Variants in HPS1 observed in about 807,000 individuals in gnomAD.
The protein encoded by HPS1 is BLOC-3 complex member HPS1.
A neutral mutation model predicts 90.6 loss-of-function variants in HPS1; 59 were observed. The ratio of observed to expected loss-of-function variants is 0.65; its 90% CI spans 0.53 to 0.81. HPS1 has a LOEUF of 0.81. HPS1 is among the 30% of genes least tolerant of loss of function. The pLI, the probability that HPS1 is intolerant of heterozygous loss-of-function variation, is 0.00. For synonymous variants in HPS1, 388 were observed against 384.4 expected, an observed-to-expected ratio of 1.01 and a Z score of -0.11; for missense variants, 849 against 896.7, an observed-to-expected ratio of 0.95 and a Z score of 0.68.
downstream of HPS1, chr10:98,414,826 G>A: frequency 1.2e-6 from 1 of 860,622 alleles, no homozygotes; most frequent in Non-Finnish European, 1.7e-6. Context: ...CGGAATCCCA[G>A]GTGCCTGCCT....
chr10:98,446,833 G>T lies in HPS1; in HGVS notation c.-132C>A, dbSNP rs1053168296. On this transcript the variant is annotated 5_prime_UTR_variant, in exon 1 of 20. Transcript: ENST00000361490. ...TCACTTCCGGGAGGGTTGAAGGGGG[G>T]CTCCGGAGGGAGGATCGCCGCCCCC... 12 of 152,350 alleles carry T rather than the reference G, an allele frequency of 7.9e-5. No homozygotes were observed. Among genetic ancestry groups the T allele is most frequent in the Admixed American group, 3.9e-4 (6 of 15,312 alleles). The allele number at this position is 152,350 out of a possible 1,614,324, so 9.4% of individuals were successfully genotyped here.
At chr10:98,440,990 C>T in intron 3 of HPS1, among the ~76,000 whole-genome samples, 1 of 152,168 alleles carries the variant, frequency 6.6e-6, no homozygotes, top group Non-Finnish European at 1.5e-5. Flanking sequence ...ACTTGAATGT[C>T]TATGATCTCT....
At chr10:98,441,956 T>TA (rs1319358000) in intron 3 of HPS1, among the ~76,000 whole-genome samples, 1 of 152,234 alleles carries the variant, frequency 6.6e-6, no homozygotes, top group Non-Finnish European at 1.5e-5. Context: ...CTACATGACC[T>TA]AGCCAGTCTA....
Position 98,443,229 on chromosome 10 carries a change from G to C in HPS1, c.12C>G (p.Val4=), listed in dbSNP as rs751812370. Residue 4 remains valine, a synonymous_variant, in exon 3 of 20, where the codon GTC becomes GTG. Transcript: ENST00000361490. ...CCTCTGCGCCCTCAGTGGCCACCAA[G>C]ACGCACTTCATCTGCCAGGGAAAGG... MKC[V]LVATEGAEVL... 3.7e-6 allele frequency: 6 copies of C among 1,613,710 alleles called. No individual in the cohort carries two copies. The South Asian group carries it at 6.6e-5, about 18-fold the overall frequency.
At position 98,436,475 on chromosome 10, in the gene HPS1, AT is replaced by A. The variant is rs532570798; in HGVS notation, c.118-704del. On this transcript the variant is annotated intron_variant, in intron 3 of 19. Coordinates refer to ENST00000361490, the MANE Select transcript of HPS1 (RefSeq NM_000195.5). ...CTTCTGGATAGAGGAATTAGGAGTG[AT>A]TTTTTTCCCTCTATTTTTAAGTATG... Among the ~76,000 whole-genome samples, 6 of 152,274 alleles carry A rather than the reference AT, an allele frequency of 3.9e-5. No homozygotes were observed. The East Asian group carries it at 5.8e-4, about 15-fold the overall frequency.
chr10:98,445,863 C>T lies in HPS1; in HGVS notation c.-105-459G>A, dbSNP rs191547757. 6.6e-6 allele frequency among the ~76,000 whole-genome samples: 1 copy of T among 152,316 alleles called. No individual in the cohort carries two copies. Among genetic ancestry groups the T allele is most frequent in the Admixed American group, 6.5e-5 (1 of 15,304 alleles). On this transcript the variant is annotated intron_variant, in intron 1 of 19. Transcript: ENST00000361490. The surrounding 1 kb of genome is among the most constrained non-coding windows in gnomAD (Gnocchi z 4.5). ...GACCAGGTTCTAGTTTTGGCTTTGCCAAGTCCCATAAACCTCTCTGAGCCT... is the reference window on the plus strand; with the variant it reads ...GACCAGGTTCTAGTTTTGGCTTTGCTAAGTCCCATAAACCTCTCTGAGCCT...
Position 98,443,926 on chromosome 10 carries a change from G to A in HPS1, c.1-686C>T, listed in dbSNP as rs574307163. Among the ~76,000 whole-genome samples the A allele has an allele frequency of 3.3e-5, 5 of 152,160 alleles. No individual in the cohort carries two copies. In the South Asian group the frequency reaches 1.0e-3, roughly 32 times the overall value. On this transcript the variant is annotated intron_variant, in intron 2 of 19. Coordinates refer to ENST00000361490, the MANE Select transcript of HPS1 (RefSeq NM_000195.5). ...CAAGTGCCTGTTATCCCAGCTACTC[G>A]GGATAACTGCTGAGGCAGGAGAATT...
In HPS1 at chr10:98,425,585, T is replaced by A. The variant is rs1845494272; in HGVS notation, c.1291A>T (p.Arg431Trp). The A allele has an allele frequency of 5.0e-6, 8 of 1,613,720 alleles. No individual in the cohort carries two copies. Among genetic ancestry groups the A allele is most frequent in the Non-Finnish European group, 6.8e-6 (8 of 1,179,884 alleles). ...CGATTCTTGACAAACTTGTCCATCC[T>A]CTGGCGCAGGTCTCCCACGAGGGGC... ...SQPLVGDLRQRMDKFVKNRGA... is the reference protein window; with the variant it reads ...SQPLVGDLRQWMDKFVKNRGA... Residue 431 changes from arginine to tryptophan, a missense_variant, in exon 13 of 20, where the codon AGG becomes TGG. Arg to Trp is a moderately radical substitution (Grantham distance 101, BLOSUM62 -3). Transcript: ENST00000361490.
chr10:98,444,883 G>A (rs1939197221), intron 2 of HPS1, among the ~76,000 whole-genome samples: 1 of 152,206 alleles, frequency 6.6e-6, no homozygotes, highest in African/African-American at 2.4e-5. Context: ...GGACTCCCAG[G>A]TACATGTGAC....
At chr10:98,436,766 A>ATGGGGAAGGCACAGTCCTAACTTGGAGC (rs1247709012) in intron 3 of HPS1, among the ~76,000 whole-genome samples, 5 of 152,244 alleles carry the variant, frequency 3.3e-5, no homozygotes, top group African/African-American at 1.2e-4. Flanking sequence ...TGAATGAAAT[A>ATGGGGAAGGCACAGTCCTAACTTGGAGC]TGGGGAAGGC....
downstream of HPS1, chr10:98,414,892 G>A: frequency 7.0e-7 from 1 of 1,431,764 alleles, no homozygotes; most frequent in Non-Finnish European, 9.3e-7. Flanking sequence ...CTTCTGGCTG[G>A]GTTATGCCAG....
intron 11 of HPS1, among the ~76,000 whole-genome samples, chr10:98,426,413 G>C (rs990712090): frequency 6.6e-6 from 1 of 152,236 alleles, no homozygotes; most frequent in African/African-American, 2.4e-5. Context: ...GGGAAACTGA[G>C]GCATAAAGTG....
intron 10 of HPS1, among the ~76,000 whole-genome samples, chr10:98,428,843 G>C (rs1170059155): frequency 2.0e-5 from 3 of 149,316 alleles, no homozygotes; most frequent in African/African-American, 5.0e-5. Context: ...TTGTAGTTTT[G>C]TTTTGTTTTT....
At chr10:98,443,575 G>A (rs1938848209) in intron 2 of HPS1, among the ~76,000 whole-genome samples, 1 of 152,182 alleles carries the variant, frequency 6.6e-6, no homozygotes, top group East Asian at 1.9e-4. Context: ...GGGGCCTACT[G>A]GAACCAGACT....
intron 1 of HPS1, 118 bp downstream of exon 1, chr10:98,446,689 C>T (rs968166145): frequency 6.6e-6 from 1 of 152,286 alleles, no homozygotes; most frequent in African/African-American, 2.4e-5. Context: ...GTGACATCCA[C>T]CCCTCTTCAC....
chr10:98,438,849 C>T (rs565708746), intron 3 of HPS1, among the ~76,000 whole-genome samples: 2 of 152,322 alleles, frequency 1.3e-5, no homozygotes, highest in East Asian at 3.9e-4. Flanking sequence ...CAGGCCCTCT[C>T]GCCACAGGCC....
chr10:98,417,821 G>C lies in HPS1; in HGVS notation c.1941-95C>G. ...TGGGCCCTCGCAAGCAAATGCCCAT[G>C]CCCTCGGTCATCTCACTAGGCCCCT... On this transcript the variant is annotated intron_variant, in intron 19 of 19. Transcript: ENST00000361490. The surrounding 1 kb of genome is among the most constrained non-coding windows in gnomAD (Gnocchi z 4.2). 8.3e-7 allele frequency: 1 copy of C among 1,207,434 alleles called. No homozygotes were observed. Among genetic ancestry groups the C allele is most frequent in the South Asian group, 1.3e-5 (1 of 77,920 alleles). 74.8% of individuals were successfully genotyped at this position (1,207,434 alleles called of 1,614,324 possible).
At chr10:98,415,011 G>A, downstream of HPS1, 3 of 1,612,566 alleles carry the variant, frequency 1.9e-6, no homozygotes, top group Non-Finnish European at 2.5e-6. Flanking sequence ...CACTTTACCT[G>A]CTCCTATCAC....
At position 98,435,531 on chromosome 10, in the gene HPS1, G is replaced by A. The variant is rs531807767; in HGVS notation, c.255+104C>T. On this transcript the variant is annotated intron_variant, in intron 4 of 19. Coordinates refer to ENST00000361490, the MANE Select transcript of HPS1 (RefSeq NM_000195.5). The surrounding 1 kb of genome is among the most constrained non-coding windows in gnomAD (Gnocchi z 4.3). Reference sequence around the variant, plus strand: ...TCCCAGGCGGGTTTGATAAGATGCCGTTTCTGCCTTCTAAAGGAGTCTAAA... The same window carrying A: ...TCCCAGGCGGGTTTGATAAGATGCCATTTCTGCCTTCTAAAGGAGTCTAAA... The A allele has an allele frequency of 1.3e-5, 21 of 1,605,976 alleles. No homozygotes were observed. The highest frequency in any genetic ancestry group is 4.5e-5 in the East Asian group (2 of 44,836).
Sources: allele counts gnomAD v4.1 joint callset (sites outside exome capture counted in the v4.1 genomes callset), GRCh38; gene constraint gnomAD v4.1.1; non-coding constraint Gnocchi (gnomAD v3.1); transcripts MANE v1.5; gene names NCBI Gene and HGNC (gene_info 2026-07-23, HGNC 2026-07-21).